The following TRPM6 variants were observed in gnomAD, a reference collection of about 807,000 sequenced individuals.
TRPM6 encodes channel kinase 2.
TRPM6 carries 111 observed loss-of-function variants against 247.6 expected under a neutral mutation model. That is an observed-to-expected ratio of 0.45 (90% CI 0.38 to 0.52). The LOEUF is 0.52. TRPM6 is among the 20% of genes least tolerant of loss of function. The probability of loss-of-function intolerance (pLI) is 0.00; values close to 1 mark genes in which losing one functional copy is unlikely to be tolerated. For missense variants in TRPM6, 2,126 were observed against 2,421.5 expected, an observed-to-expected ratio of 0.88 and a Z score of 2.56; for synonymous variants, 892 against 853.8, an observed-to-expected ratio of 1.04 and a Z score of -0.78.
In TRPM6 at chr9:74,801,922, G is replaced by A. The variant is rs1721785139; in HGVS notation, c.1985C>T (p.Ser662Leu). 1 of 1,614,116 alleles carries A rather than the reference G, an allele frequency of 6.2e-7. No individual in the cohort carries two copies. The highest frequency in any genetic ancestry group is 8.5e-7 in the Non-Finnish European group (1 of 1,180,044). The change falls in exon 16 of 39, where the codon TCA becomes TTA. Residue 662 changes from serine to leucine, a missense_variant. Around this residue, in one of 3 missense-constraint regions of TRPM6, gnomAD observed 1,082 missense variants for 1,307.9 expected, o/e 0.83. Coordinates refer to ENST00000360774, the MANE Select transcript of TRPM6 (RefSeq NM_017662.5). ...AKESHMVDDA[S>L]EELKNYSKQF... ...CTTTGAGTAATTCTTCAACTCTTCT[G>A]AGGCATCATCCACCATGTGACTCTC...
At chr9:74,796,379 G>T (rs1243530550) in intron 18 of TRPM6, among the ~76,000 whole-genome samples, 1 of 152,108 alleles carries the variant, frequency 6.6e-6, no homozygotes, top group Non-Finnish European at 1.5e-5. Context: ...ATGTAAAGTG[G>T]CCACAAATGA....
intron 20 of TRPM6, 117 bp downstream of exon 20, chr9:74,788,497 T>G (rs1827774274): frequency 8.0e-7 from 1 of 1,243,008 alleles, no homozygotes; most frequent in Non-Finnish European, 1.2e-6. Flanking sequence ...CAGTGTGTCC[T>G]GTCTTCCCCC....
chr9:74,736,803 T>C (rs1299699220), intron 36 of TRPM6, among the ~76,000 whole-genome samples: 1 of 152,192 alleles, frequency 6.6e-6, no homozygotes, highest in Non-Finnish European at 1.5e-5. Flanking sequence ...CTCAAGACTG[T>C]CAACGCAGCA....
chr9:74,740,110 T>C, intron 33 of TRPM6, 101 bp from the exon 34 acceptor site: 1 of 1,332,810 alleles, frequency 7.5e-7, no homozygotes, highest in East Asian at 2.5e-5. Flanking sequence ...GTTACCCAAA[T>C]GACCAGAGGA....
At chr9:74,814,773 C>T (rs907702310) in intron 11 of TRPM6, among the ~76,000 whole-genome samples, 10 of 151,938 alleles carry the variant, frequency 6.6e-5, no homozygotes, top group African/African-American at 1.9e-4. Context: ...ACATGGCAAA[C>T]CCCTGTCTCT....
At chr9:74,817,034 A>T in intron 9 of TRPM6, 70 bp from the exon 10 acceptor site, 1 of 1,318,496 alleles carries the variant, frequency 7.6e-7, no homozygotes, top group Admixed American at 1.7e-5. Flanking sequence ...AAGAGTACCC[A>T]CAGAATTCAG....
At position 74,803,827 on chromosome 9, in the gene TRPM6, C is replaced by T; in HGVS notation, c.1698G>A (p.Gln566=). The T allele has an allele frequency of 6.2e-7, 1 of 1,613,560 alleles. No individual in the cohort carries two copies. The highest frequency in any genetic ancestry group is 8.5e-7 in the Non-Finnish European group (1 of 1,179,518). The change falls in exon 15 of 39, where the codon CAG becomes CAA. Residue 566 remains glutamine, a synonymous_variant. Transcript: ENST00000360774. ...TGTATGGCTGTGCAGTTCTAATGAA[C>T]TGGGAGTGCAGCGTACTTTCTGCAG... is the stretch of plus-strand genomic sequence containing the variant. ...NESAESTLHS[Q]FIRTAQPYKF... is the part of the protein sequence containing the mutation.
chr9:74,782,922 C>T, intron 21 of TRPM6, 69 bp from the exon 22 acceptor site: 2 of 1,454,742 alleles, frequency 1.4e-6, no homozygotes, highest in Non-Finnish European at 1.9e-6. Flanking sequence ...CAAACACCAG[C>T]AGCCATCATA....
rs928322959 is a variant in TRPM6, at chr9:74,802,606, G to A, written c.1732-431C>T. Among the ~76,000 whole-genome samples, 4 of 152,136 alleles carry A rather than the reference G, an allele frequency of 2.6e-5. No individual in the cohort carries two copies. The South Asian group carries it at 6.2e-4, about 24-fold the overall frequency. ...TTTTAGTTTCTCAAGGAAATGGGTC[G>A]AAATAGCGTATTGGATACATGGGAG... On this transcript the variant is annotated intron_variant, in intron 15 of 38. Coordinates refer to ENST00000360774, the MANE Select transcript of TRPM6 (RefSeq NM_017662.5).
chr9:74,760,372 G>T (rs1826582426), intron 27 of TRPM6, among the ~76,000 whole-genome samples: 1 of 152,164 alleles, frequency 6.6e-6, no homozygotes, highest in Admixed American at 6.5e-5. Flanking sequence ...AAAGTGTTCA[G>T]TACAGTAACA....
chr9:74,883,139 T>C (rs1306878467), intron 1 of TRPM6, among the ~76,000 whole-genome samples: 1 of 152,230 alleles, frequency 6.6e-6, no homozygotes, highest in Non-Finnish European at 1.5e-5. Context: ...TGGTTTATTT[T>C]ACTTAGCATT....
At position 74,788,748 on chromosome 9, in the gene TRPM6, AG is replaced by A. The variant is rs1316621094; in HGVS notation, c.2539-7del. 1 of 1,613,598 alleles carries A rather than the reference AG, an allele frequency of 6.2e-7. No individual in the cohort carries two copies. The highest frequency in any genetic ancestry group is 1.7e-5 in the Admixed American group (1 of 60,000). On this transcript the variant is annotated splice_polypyrimidine_tract_variant and splice_region_variant and intron_variant, in intron 19 of 38. Transcript: ENST00000360774. ...AGGAATGCCAAATACGCCATCTGTG[AG>A]GGGGACACACATTCCCCAGATGTGA...
chr9:74,757,025 A>G (rs1310356710), intron 27 of TRPM6, among the ~76,000 whole-genome samples: 1 of 151,848 alleles, frequency 6.6e-6, no homozygotes, highest in Non-Finnish European at 1.5e-5. Context: ...TGAAAATACA[A>G]AAGTTAGCTG....
intron 2 of TRPM6, 82 bp from the exon 3 acceptor site, chr9:74,855,647 A>G: frequency 1.1e-6 from 1 of 915,794 alleles, no homozygotes; most frequent in Non-Finnish European, 1.8e-6. Flanking sequence ...AATATCTATT[A>G]TTTTCCATGA....
chr9:74,809,566 A>G (rs1278159211), intron 13 of TRPM6, among the ~76,000 whole-genome samples: 1 of 152,182 alleles, frequency 6.6e-6, no homozygotes, highest in Non-Finnish European at 1.5e-5. Flanking sequence ...CTAGTTCATC[A>G]CTTTTTTTCA....
intron 32 of TRPM6, 79 bp from the exon 33 acceptor site, chr9:74,742,705 T>G (rs1007087613): frequency 8.5e-7 from 1 of 1,175,658 alleles, no homozygotes; most frequent in Non-Finnish European, 1.3e-6. Context: ...CATCAATATA[T>G]TCATATAATG....
intron 23 of TRPM6, among the ~76,000 whole-genome samples, chr9:74,776,731 A>C (rs1827236983): frequency 6.6e-6 from 1 of 152,208 alleles, no homozygotes; most frequent in African/African-American, 2.4e-5. Context: ...AGGTACAGTT[A>C]TTCTGAAACA....
chr9:74,884,314 C>G lies in TRPM6; in HGVS notation c.33+3510G>C, dbSNP rs1189283575. Among the ~76,000 whole-genome samples, 3 of 151,868 alleles carry G rather than the reference C, an allele frequency of 2.0e-5. No homozygotes were observed. In the East Asian group the frequency reaches 5.8e-4, roughly 30 times the overall value. ...GACCATCCTGCATAACAGGTGAAAC[C>G]CCGTCTCGACTAAAAATACAAAAAA... On this transcript the variant is annotated intron_variant, in intron 1 of 38. Transcript: ENST00000360774.
chr9:74,737,612 C>T (rs1462508487), intron 36 of TRPM6, among the ~76,000 whole-genome samples: 3 of 152,178 alleles, frequency 2.0e-5, no homozygotes, highest in African/African-American at 7.2e-5. Flanking sequence ...TCCTGGCTCC[C>T]CCTTAAGCAG....
Sources: allele counts gnomAD v4.1 joint callset (sites outside exome capture counted in the v4.1 genomes callset), GRCh38; gene constraint gnomAD v4.1.1; regional missense constraint gnomAD v4.1.1; transcripts MANE v1.5; gene names NCBI Gene and HGNC (gene_info 2026-07-23, HGNC 2026-07-21).